Variants in DPP10 observed in about 807,000 individuals in gnomAD.
The protein encoded by DPP10 is dipeptidyl peptidase like 10.
In DPP10, 33 loss-of-function variants were observed where a neutral mutation model predicts 120.9. The observed-to-expected ratio is 0.27, with a 90% CI of 0.21 to 0.37. The LOEUF (loss-of-function observed/expected upper bound fraction) is 0.37. Among genes scored for constraint, DPP10 ranks in the 10% least tolerant of loss-of-function variants. DPP10 has a pLI of 1.00. For synonymous variants in DPP10, 337 were observed against 326.1 expected (o/e 1.03, Z -0.36); for missense variants, 816 against 942.8 (o/e 0.87, Z 1.76).
At chr2:114,822,135 C>T (rs1223245425) in intron 1 of DPP10, among the ~76,000 whole-genome samples, 3 of 146,758 alleles carry the variant, frequency 2.0e-5, no homozygotes, top group African/African-American at 5.5e-5. Flanking sequence ...GACGGCTTTG[C>T]CCCTGCAGCA....
At position 115,453,354 on chromosome 2, in the gene DPP10, A is replaced by AT. The variant is rs398090564; in HGVS notation, c.272-46148dup. Among the ~76,000 whole-genome samples the AT allele has an allele frequency of 4.6e-5, 7 of 151,264 alleles. No individual in the cohort carries two copies. The East Asian group carries it at 9.7e-4, about 21-fold the overall frequency. ...TTTCAATTATTCTATAAATTAGAAA[A>AT]TTTTTTTTCTTAGAATAAACAAAAT... is the stretch of plus-strand genomic sequence containing the variant. On this transcript the variant is annotated intron_variant, in intron 3 of 25. Transcript: ENST00000410059.
chr2:114,671,798 C>A (rs1273851442), intron 1 of DPP10, among the ~76,000 whole-genome samples: 2 of 151,942 alleles, frequency 1.3e-5, no homozygotes, highest in African/African-American at 2.4e-5. Flanking sequence ...CGTACAGAAT[C>A]CATTGGTTTC....
At chr2:115,095,921 TGA>T (rs1709705829) in intron 1 of DPP10, among the ~76,000 whole-genome samples, 1 of 152,152 alleles carries the variant, frequency 6.6e-6, no homozygotes, top group Admixed American at 6.5e-5. Flanking sequence ...AAAAAGAAGA[TGA>T]GCAAGCCTCT....
At chr2:115,125,960 T>A (rs933547083) in intron 1 of DPP10, among the ~76,000 whole-genome samples, 1 of 152,200 alleles carries the variant, frequency 6.6e-6, no homozygotes, top group Admixed American at 6.5e-5. Flanking sequence ...AGGTACCTGT[T>A]TCATAATTGA....
chr2:115,425,542 A>G (rs1389105406), intron 3 of DPP10, among the ~76,000 whole-genome samples: 1 of 152,316 alleles, frequency 6.6e-6, no homozygotes, highest in East Asian at 1.9e-4. Context: ...ATTATTTACA[A>G]TGAGCATAAA....
intron 5 of DPP10, among the ~76,000 whole-genome samples, chr2:115,631,209 TA>T (rs1180636372): frequency 6.6e-6 from 1 of 152,116 alleles, no homozygotes; most frequent in Non-Finnish European, 1.5e-5. Context: ...TTTATTTGCA[TA>T]GGGGTATTTA....
intron 7 of DPP10, among the ~76,000 whole-genome samples, chr2:115,705,987 T>TG (rs954611429): frequency 4.6e-5 from 7 of 151,304 alleles, no homozygotes; most frequent in African/African-American, 7.3e-5. Flanking sequence ...TTGGGTTTAA[T>TG]GGGGGGGAAA....
chr2:114,974,221 A>T (rs564361023), intron 1 of DPP10, among the ~76,000 whole-genome samples: 4 of 152,120 alleles, frequency 2.6e-5, no homozygotes, highest in Non-Finnish European at 5.9e-5. Flanking sequence ...TCCATTCATG[A>T]TAAGTGCACC....
intron 1 of DPP10, among the ~76,000 whole-genome samples, chr2:114,464,963 C>T (rs950197197): frequency 9.9e-5 from 15 of 152,106 alleles, no homozygotes; most frequent in South Asian, 8.3e-4. Context: ...TAGTTTTCCC[C>T]GTTCTCCATA....
chr2:114,840,589 C>G (rs948480321), intron 1 of DPP10, among the ~76,000 whole-genome samples: 1 of 152,080 alleles, frequency 6.6e-6, no homozygotes, highest in Admixed American at 6.6e-5. Context: ...AAAAGAAAGC[C>G]TCCCTTAAAA....
chr2:115,427,005 A>G (rs2070534637), intron 3 of DPP10, among the ~76,000 whole-genome samples: 3 of 152,244 alleles, frequency 2.0e-5, no homozygotes, highest in Non-Finnish European at 2.9e-5. Context: ...GAAATCAGCC[A>G]AAAGAAAGGG....
chr2:115,520,824 C>A (rs2077761009), intron 4 of DPP10, among the ~76,000 whole-genome samples: 1 of 152,164 alleles, frequency 6.6e-6, no homozygotes, highest in African/African-American at 2.4e-5. Context: ...TCTTGGAATA[C>A]CATCATTATC....
At chr2:115,164,180 C>G (rs1007452110) in intron 1 of DPP10, among the ~76,000 whole-genome samples, 1 of 152,008 alleles carries the variant, frequency 6.6e-6, no homozygotes, top group African/African-American at 2.4e-5. Context: ...ACACATGGCA[C>G]CTCGCAGTGA....
chr2:114,636,363 C>T (rs936413502), intron 1 of DPP10, among the ~76,000 whole-genome samples: 3 of 151,968 alleles, frequency 2.0e-5, no homozygotes, highest in Admixed American at 6.5e-5. Flanking sequence ...TTGGCATTTT[C>T]TCCTGCCTGC....
chr2:115,185,361 T>G (rs2054362597), intron 1 of DPP10, among the ~76,000 whole-genome samples: 4 of 152,100 alleles, frequency 2.6e-5, no homozygotes. Flanking sequence ...GAACTTAATG[T>G]CAAGAATTTA....
At chr2:115,278,930 A>G (rs556950962) in intron 1 of DPP10, among the ~76,000 whole-genome samples, 1 of 152,282 alleles carries the variant, frequency 6.6e-6, no homozygotes, top group East Asian at 1.9e-4. Context: ...ATAAAATTCA[A>G]TGTCTTTTAG....
At chr2:115,543,204 C>T (rs540397078) in intron 5 of DPP10, among the ~76,000 whole-genome samples, 71 of 152,140 alleles carry the variant, frequency 4.7e-4, no homozygotes, top group African/African-American at 1.3e-3. Flanking sequence ...AATATCACAG[C>T]AAACACTAAA....
In DPP10 at chr2:115,342,231, C is replaced by G. The variant is rs546551790; in HGVS notation, c.176-1586C>G. 5.7e-5 allele frequency: 25 copies of G among 438,730 alleles called. No individual in the cohort carries two copies. The East Asian group carries it at 1.8e-3, about 31-fold the overall frequency. The allele number at this position is 438,730 out of a possible 1,614,324, so 27.2% of individuals were successfully genotyped here. A position where few individuals can be genotyped will look rare whatever the true frequency, so the allele number is the denominator to read the frequency against. On this transcript the variant is annotated intron_variant, in intron 2 of 25. Coordinates refer to ENST00000410059, the MANE Select transcript of DPP10 (RefSeq NM_020868.6). ...ATTTGTTTTTTGAGACAAGGTCTCA[C>G]CCTGTCACCCAGGCTGGAGTATAGT...
At chr2:115,179,984 C>A (rs2053968474) in intron 1 of DPP10, among the ~76,000 whole-genome samples, 1 of 152,092 alleles carries the variant, frequency 6.6e-6, no homozygotes. Flanking sequence ...CAAATAACCT[C>A]TTTTCTCTGA....
Sources: gnomAD v4.1 joint callset for allele counts (sites outside exome capture counted in the v4.1 genomes callset) on GRCh38, gnomAD v4.1.1 for gene constraint, MANE v1.5 for transcripts, NCBI Gene and HGNC (gene_info 2026-07-23, HGNC 2026-07-21) for gene names.